Variants in BPI observed in about 807,000 individuals in gnomAD.
The protein encoded by BPI is bactericidal permeability increasing protein.
BPI carries 48 observed loss-of-function variants against 57.6 expected under a neutral mutation model. The observed-to-expected ratio is 0.83, with a 90% CI of 0.66 to 1.06. The LOEUF (loss-of-function observed/expected upper bound fraction) is 1.06. Ranked by LOEUF, BPI falls within the 50% of genes least tolerant of loss-of-function variation. The pLI is 0.00. For synonymous variants in BPI, 237 were observed against 238.2 expected (o/e 0.99, Z 0.05); for missense variants, 651 against 609.7 (o/e 1.07, Z -0.71).
In BPI at chr20:38,310,689, T is replaced by C. The variant is rs763371703; in HGVS notation, c.536+37T>C. Reference sequence around the variant, plus strand: ...CGGGACTGTGGCTGGGAGGAGGGACTTAAAGAAGAACTCTCCCAATCATCC... The same window carrying C: ...CGGGACTGTGGCTGGGAGGAGGGACCTAAAGAAGAACTCTCCCAATCATCC... On this transcript the variant is annotated intron_variant, in intron 4 of 14. Coordinates refer to ENST00000642449, the MANE Select transcript of BPI (RefSeq NM_001725.3). 1.3e-5 allele frequency: 20 copies of C among 1,590,822 alleles called. No homozygotes were observed. In the African/African-American group the frequency reaches 2.7e-4, roughly 21 times the overall value.
intron 7 of BPI, among the ~76,000 whole-genome samples, chr20:38,323,184 G>T (rs1432278226): frequency 6.6e-6 from 1 of 151,952 alleles, no homozygotes; most frequent in East Asian, 1.9e-4. Context: ...TTTTGCCTGT[G>T]TTTTTATACT....
At chr20:38,326,579 ATGGTGCCGACTCC>A in intron 10 of BPI, 147 bp downstream of exon 10, 1 of 985,102 alleles carries the variant, frequency 1.0e-6, no homozygotes, top group South Asian at 2.0e-5. Context: ...ACTGTACTCA[ATGGTGCCGACTCC>A]TGGAGGTATT....
chr20:38,327,884 A>G (rs1252766110), intron 11 of BPI, among the ~76,000 whole-genome samples: 1 of 152,200 alleles, frequency 6.6e-6, no homozygotes, highest in Non-Finnish European at 1.5e-5. Context: ...GTAGGTGACC[A>G]ACCATCTCAG....
At chr20:38,326,637 CTTATTCATTCAA>C (rs756828908) in intron 10 of BPI, 28 of 518,194 alleles carry the variant, frequency 5.4e-5, no homozygotes, top group Non-Finnish European at 7.4e-5. Context: ...CGTTTGTTTA[CTTATTCATTCAA>C]TTATTCATTC....
intron 8 of BPI, among the ~76,000 whole-genome samples, chr20:38,324,549 C>A (rs1454769485): frequency 6.6e-6 from 1 of 152,104 alleles, no homozygotes; most frequent in African/African-American, 2.4e-5. Flanking sequence ...AACAAGCAGG[C>A]GGTCACTGAC....
At chr20:38,330,397 G>A (rs910990133) in intron 11 of BPI, among the ~76,000 whole-genome samples, 11 of 152,252 alleles carry the variant, frequency 7.2e-5, no homozygotes, top group East Asian at 1.9e-4. Flanking sequence ...GGGATAGAGC[G>A]CCCAATACAG....
chr20:38,336,843 C>A (rs1414644688), intron 14 of BPI, among the ~76,000 whole-genome samples: 2 of 152,196 alleles, frequency 1.3e-5, no homozygotes, highest in East Asian at 3.8e-4. Flanking sequence ...TTGATTGGAA[C>A]AAGCACTCCC....
intron 8 of BPI, among the ~76,000 whole-genome samples, chr20:38,324,499 G>C (rs2076702247): frequency 6.6e-6 from 1 of 152,182 alleles, no homozygotes; most frequent in Middle Eastern, 3.2e-3. Flanking sequence ...CATCCTATGA[G>C]ATTGGTTTGC....
chr20:38,306,055 C>A (rs138489062), intron 1 of BPI, among the ~76,000 whole-genome samples: 1 of 152,018 alleles, frequency 6.6e-6, no homozygotes, highest in East Asian at 1.9e-4. Flanking sequence ...GTTTTGAGAC[C>A]GAGTCTCGCT....
chr20:38,327,181 T>C (rs1354984083), intron 10 of BPI, among the ~76,000 whole-genome samples: 1 of 152,196 alleles, frequency 6.6e-6, no homozygotes, highest in Admixed American at 6.5e-5. Flanking sequence ...AGACCTGTTA[T>C]TCCCACTTTG....
Position 38,304,230 on chromosome 20 carries a change from A to G in BPI, c.7A>G (p.Arg3Gly), listed in dbSNP as rs768606122. The change falls in exon 1 of 15, where the codon AGG becomes GGG. Residue 3 changes from arginine to glycine, a missense_variant. By Grantham distance (125) the Arg-to-Gly change is moderately radical. Transcript: ENST00000642449. The stretch of plus-strand genomic sequence containing the variant: ...CTGGAGGATGAGAGAGAACATGGCC[A>G]GGGGCCCTTGCAACGCGCCGAGATG... The part of the protein sequence containing the change: MA[R>G]GPCNAPRWAS... The G allele has an allele frequency of 1.9e-6, 3 of 1,614,114 alleles. No individual in the cohort carries two copies. The highest frequency in any genetic ancestry group is 1.3e-5 in the African/African-American group (1 of 75,026).
chr20:38,332,974 A>G (rs912796466), intron 12 of BPI, among the ~76,000 whole-genome samples: 5 of 152,002 alleles, frequency 3.3e-5, no homozygotes, highest in African/African-American at 1.2e-4. Context: ...GTTGAATCCC[A>G]GTTTCTGCTG....
rs1843547845 is a variant in BPI, at chr20:38,310,556, G to A, written c.440G>A (p.Gly147Asp). The change falls in exon 4 of 15, where the codon GGC becomes GAC. Residue 147 changes from glycine to aspartate, a missense_variant. Gly to Asp is a moderately conservative substitution (Grantham distance 94). Transcript: ENST00000642449. ...GMSISADLKL[G>D]SNPTSGKPTI... ...TCCATTTCGGCTGATCTGAAGCTGG[G>A]CAGTAACCCCACGTCAGGCAAGCCC... 6.2e-7 allele frequency: 1 copy of A among 1,614,060 alleles called. No individual in the cohort carries two copies. Among genetic ancestry groups the A allele is most frequent in the African/African-American group, 1.3e-5 (1 of 74,932 alleles).
intron 5 of BPI, among the ~76,000 whole-genome samples, chr20:38,314,891 ATGATGGTGATGG>A (rs566508850): frequency 1.3e-4 from 19 of 151,110 alleles, no homozygotes; most frequent in Admixed American, 8.6e-4. Context: ...GGTGAGACTG[ATGATGGTGATGG>A]TGATGGTGAT....
intron 12 of BPI, among the ~76,000 whole-genome samples, chr20:38,331,727 C>T (rs185174115): frequency 3.0e-4 from 46 of 151,910 alleles, no homozygotes; most frequent in Admixed American, 1.5e-3. Context: ...CATGTAGTCC[C>T]AGATACCTGG....
At chr20:38,334,353 TG>T in intron 12 of BPI, 76 bp from the exon 13 acceptor site, 1 of 1,356,842 alleles carries the variant, frequency 7.4e-7, no homozygotes, top group Non-Finnish European at 1.1e-6. Flanking sequence ...GTGACAGAGG[TG>T]GGGTGATGAG....
At chr20:38,327,860 C>T (rs556929334) in intron 11 of BPI, among the ~76,000 whole-genome samples, 3 of 152,258 alleles carry the variant, frequency 2.0e-5, no homozygotes, top group East Asian at 3.9e-4. Context: ...GTGACTTGCT[C>T]GAGGTCACAC....
intron 4 of BPI, among the ~76,000 whole-genome samples, chr20:38,311,525 G>A (rs972271392): frequency 4.6e-5 from 7 of 152,348 alleles, no homozygotes; most frequent in Non-Finnish European, 8.8e-5. Context: ...GGGGAGGGGG[G>A]TGTTTTAAGC....
At chr20:38,308,906 G>A in intron 2 of BPI, 24 bp from the exon 3 acceptor site, 2 of 1,613,710 alleles carry the variant, frequency 1.2e-6, no homozygotes, top group Non-Finnish European at 1.7e-6. Flanking sequence ...GAAATTATAT[G>A]ACATTCACAT....
Sources: allele counts gnomAD v4.1 joint callset (sites outside exome capture counted in the v4.1 genomes callset), GRCh38; gene constraint gnomAD v4.1.1; transcripts MANE v1.5; gene names NCBI Gene and HGNC (gene_info 2026-07-23, HGNC 2026-07-21).